The following MCF2L2 variants were observed in gnomAD, a reference collection of about 807,000 sequenced individuals.
The protein encoded by MCF2L2 is MCF.2 cell line derived transforming sequence-like 2, also known as probable guanine nucleotide exchange factor MCF2L2.
In MCF2L2, 102 loss-of-function variants were observed where a neutral mutation model predicts 150.2. The ratio of observed to expected loss-of-function variants is 0.68; its 90% confidence interval spans 0.58 to 0.80. The LOEUF (loss-of-function observed/expected upper bound fraction) is 0.80, where lower values mean the gene tolerates loss of function less well. MCF2L2 is among the 30% of genes least tolerant of loss of function. The pLI, the probability that MCF2L2 is intolerant of heterozygous loss-of-function variation, is 0.00. For synonymous variants in MCF2L2, 465 were observed against 491.3 expected (o/e 0.95, Z 0.71); for missense variants, 1,256 against 1,372.8 (o/e 0.91, Z 1.34).
At chr3:183,248,823 G>A (rs753367563) in intron 15 of MCF2L2, among the ~76,000 whole-genome samples, 4 of 152,080 alleles carry the variant, frequency 2.6e-5, no homozygotes, top group East Asian at 1.9e-4. Context: ...GCAACACAGC[G>A]AGACCCTGTC....
At chr3:183,423,628 A>ATTTT (rs1715998713) in intron 1 of MCF2L2, among the ~76,000 whole-genome samples, 1 of 100,670 alleles carries the variant, frequency 9.9e-6, no homozygotes, top group Non-Finnish European at 2.1e-5. Flanking sequence ...TTTAAATTTT[A>ATTTT]TTTGTTTTTT....
intron 27 of MCF2L2, among the ~76,000 whole-genome samples, chr3:183,189,937 CCTAGG>C (rs1261955777): frequency 2.0e-5 from 3 of 152,194 alleles, no homozygotes; most frequent in African/African-American, 7.2e-5. Flanking sequence ...GGCAGACTCG[CCTAGG>C]CTGAGAATTC....
intron 16 of MCF2L2, among the ~76,000 whole-genome samples, chr3:183,230,446 T>C (rs991649577): frequency 6.6e-6 from 1 of 152,226 alleles, no homozygotes; most frequent in Non-Finnish European, 1.5e-5. Flanking sequence ...GAATAATGTT[T>C]ACTCAGCATA....
chr3:183,322,083 A>G (rs527865665), intron 6 of MCF2L2, among the ~76,000 whole-genome samples: 1 of 152,184 alleles, frequency 6.6e-6, no homozygotes, highest in Non-Finnish European at 1.5e-5. Context: ...TACATCCCAA[A>G]AGCCCCCTCC....
chr3:183,313,175 C>T (rs573130373), intron 7 of MCF2L2, among the ~76,000 whole-genome samples: 1 of 152,170 alleles, frequency 6.6e-6, no homozygotes, highest in Non-Finnish European at 1.5e-5. Flanking sequence ...ATCCCACCTA[C>T]TAAAGAGGGT....
intron 1 of MCF2L2, among the ~76,000 whole-genome samples, chr3:183,395,748 G>A (rs893458731): frequency 4.6e-5 from 7 of 151,662 alleles, no homozygotes; most frequent in African/African-American, 4.8e-5. Context: ...GTAGAACCCC[G>A]TCTCCAATAA....
At chr3:183,404,658 C>T (rs1261762325) in intron 1 of MCF2L2, among the ~76,000 whole-genome samples, 5 of 152,098 alleles carry the variant, frequency 3.3e-5, no homozygotes, top group Admixed American at 6.5e-5. Flanking sequence ...GTCAGGTGTT[C>T]GAGACCAGCC....
At chr3:183,269,736 T>C in intron 15 of MCF2L2, 4 of 1,442,476 alleles carry the variant, frequency 2.8e-6, no homozygotes, top group South Asian at 2.7e-5. Context: ...CGAAGTTCTA[T>C]GGTCTCGAAG....
intron 14 of MCF2L2, among the ~76,000 whole-genome samples, chr3:183,288,805 C>G (rs1301109127): frequency 6.6e-6 from 1 of 152,112 alleles, no homozygotes; most frequent in Non-Finnish European, 1.5e-5. Flanking sequence ...ATACATGAAC[C>G]ATACACTGTT....
chr3:183,322,811 G>A (rs1455404491), intron 6 of MCF2L2, among the ~76,000 whole-genome samples: 5 of 152,030 alleles, frequency 3.3e-5, no homozygotes, highest in Admixed American at 2.6e-4. Flanking sequence ...TAGTCCCCGG[G>A]GGGTGACACT....
At chr3:183,190,315 C>G (rs1049753021) in intron 27 of MCF2L2, among the ~76,000 whole-genome samples, 1 of 152,200 alleles carries the variant, frequency 6.6e-6, no homozygotes, top group Admixed American at 6.5e-5. Flanking sequence ...CACTTAACAC[C>G]AATAATGAGG....
Position 183,416,361 on chromosome 3 carries a change from G to A in MCF2L2, c.76+11541C>T, listed in dbSNP as rs114527254. Among the ~76,000 whole-genome samples the A allele has an allele frequency of 7.0e-3, 1,065 of 152,178 alleles. 12 individuals carry two copies. The highest frequency in any genetic ancestry group is 0.024 in the African/African-American group (1,014 of 41,544). ...TCTCTTCATTTGTTCCTATGGATTT[G>A]AGCTACCCTCTGGAGTCATTTCTTT... is the stretch of plus-strand genomic sequence containing the variant. On this transcript the variant is annotated intron_variant, in intron 1 of 29. Coordinates refer to ENST00000328913, the MANE Select transcript of MCF2L2 (RefSeq NM_015078.4).
At chr3:183,371,180 C>G (rs138160923) in intron 3 of MCF2L2, among the ~76,000 whole-genome samples, 2 of 152,284 alleles carry the variant, frequency 1.3e-5, no homozygotes, top group African/African-American at 4.8e-5. Context: ...TCTGTGAACC[C>G]AAAAGTATCT....
chr3:183,249,633 T>A (rs1246803454), intron 15 of MCF2L2, among the ~76,000 whole-genome samples: 1 of 152,138 alleles, frequency 6.6e-6, no homozygotes, highest in Non-Finnish European at 1.5e-5. Context: ...CCTAGTGTGG[T>A]TTCATCAAAC....
At chr3:183,361,184 G>A (rs78072336) in intron 3 of MCF2L2, among the ~76,000 whole-genome samples, 9,558 of 148,706 alleles carry the variant, frequency 0.064, 334 homozygotes, top group East Asian at 0.091. Flanking sequence ...AAAGAAGGAA[G>A]GAAGGAAACA....
rs199908177 is a variant in MCF2L2 at position 183,181,717 on chromosome 3, CTG to C, written c.3017-1560_3017-1559del. On this transcript the variant is annotated intron_variant, in intron 27 of 29. Coordinates refer to ENST00000328913, the MANE Select transcript of MCF2L2 (RefSeq NM_015078.4). The surrounding 1 kb of genome is among the most constrained non-coding windows in gnomAD (Gnocchi z 4.3). ...CCATCCCCTGCATGAATAGGAAGGG[CTG>C]TGTCTCCAGGGTCCATGGCCTCTGT... is the stretch of plus-strand genomic sequence containing the variant. 0.013 allele frequency among the ~76,000 whole-genome samples: 1,951 copies of C among 152,270 alleles called. 47 individuals carry two copies. The highest frequency in any genetic ancestry group is 0.045 in the African/African-American group (1,853 of 41,532).
At chr3:183,356,299 G>C (rs777251256) in intron 3 of MCF2L2, among the ~76,000 whole-genome samples, 19 of 152,072 alleles carry the variant, frequency 1.2e-4, no homozygotes, top group Middle Eastern at 6.8e-3. Flanking sequence ...CTGATCACGA[G>C]GTCAAGAGAT....
At chr3:183,337,038 G>A (rs919946014) in intron 5 of MCF2L2, among the ~76,000 whole-genome samples, 4 of 151,994 alleles carry the variant, frequency 2.6e-5, no homozygotes, top group African/African-American at 9.7e-5. Flanking sequence ...ACTGTTCAGT[G>A]TCTAGCTTCT....
chr3:183,216,955 CTT>C (rs2108657517), intron 21 of MCF2L2, among the ~76,000 whole-genome samples: 1 of 151,318 alleles, frequency 6.6e-6, no homozygotes, highest in South Asian at 2.1e-4. Flanking sequence ...TTTAAATAGG[CTT>C]CTCTCTCTTT....
Sources: allele counts gnomAD v4.1 joint callset (sites outside exome capture counted in the v4.1 genomes callset), GRCh38; gene constraint gnomAD v4.1.1; non-coding constraint Gnocchi (gnomAD v3.1); transcripts MANE v1.5; gene names NCBI Gene and HGNC (gene_info 2026-07-23, HGNC 2026-07-21).